Variants in ZNF181 observed in about 807,000 individuals in gnomAD.
ZNF181 encodes zinc finger protein 181 (HHZ181).
Under a neutral mutation model 11.9 loss-of-function variants are expected in ZNF181, and 8 were observed. The observed-to-expected ratio is 0.67, with a 90% CI of 0.39 to 1.21. ZNF181 has a LOEUF of 1.21. Among genes scored for constraint, ZNF181 ranks in the 50% most tolerant of loss-of-function variants. The probability of loss-of-function intolerance (pLI) is 0.01; values close to 1 mark genes in which losing one functional copy is unlikely to be tolerated. For synonymous variants in ZNF181, 202 were observed against 221.1 expected, an observed-to-expected ratio of 0.91 and a Z score of 0.77; for missense variants, 542 against 670.9, an observed-to-expected ratio of 0.81 and a Z score of 2.12.
chr19:34,735,821 C>G (rs1341852178), intron 1 of ZNF181, among the ~76,000 whole-genome samples: 17 of 152,204 alleles, frequency 1.1e-4, no homozygotes, highest in Admixed American at 1.1e-3. Flanking sequence ...CCCCCACATA[C>G]GCACAAACTT....
chr19:34,737,913 A>G (rs1475979397), intron 1 of ZNF181, among the ~76,000 whole-genome samples: 2 of 152,110 alleles, frequency 1.3e-5, no homozygotes, highest in African/African-American at 4.8e-5. Flanking sequence ...GATAAAAGTC[A>G]TTTGCCTGCC....
Position 34,739,239 on chromosome 19 carries a change from T to C in ZNF181, c.101T>C (p.Val34Ala). The C allele has an allele frequency of 6.2e-7, 1 of 1,613,814 alleles. No individual in the cohort carries two copies. Among genetic ancestry groups the C allele is most frequent in the South Asian group, 1.1e-5 (1 of 91,074 alleles). The change falls in exon 2 of 4, where the codon GTC becomes GCC. Residue 34 changes from valine (V) to alanine (A), a missense_variant. Physicochemically the swap from Val to Ala is moderately conservative, Grantham distance 64. Transcript: ENST00000492450. ...AQRDLYKDVM[V>A]QNYENLVSVA... ...AGGGACTTATACAAGGATGTGATGG[T>C]CCAGAATTATGAGAACCTGGTCTCT...
intron 1 of ZNF181, chr19:34,736,318 G>C (rs1394760915): frequency 3.2e-6 from 2 of 626,902 alleles, no homozygotes. Context: ...CTATTCGGGA[G>C]GGTGATGAGT....
rs1395417011 is a variant in ZNF181, at chr19:34,743,814, TAA to T, written c.*1718_*1719del. On this transcript the variant is annotated 3_prime_UTR_variant, in exon 4 of 4. Transcript: ENST00000492450. ...GCAGCAATATATGTCTTGAAATAGT[TAA>T]GAGAGATTTTGTTCTCTGCACTGAA... 2.6e-5 allele frequency: 4 copies of T among 152,242 alleles called. No individual in the cohort carries two copies. The highest frequency in any genetic ancestry group is 5.9e-5 in the Non-Finnish European group (4 of 68,054). The allele number at this position is 152,242 out of a possible 1,614,324, so 9.4% of individuals were successfully genotyped here. A position where few individuals can be genotyped will look rare whatever the true frequency, so the allele number is the denominator to read the frequency against.
At position 34,741,772 on chromosome 19, in the gene ZNF181, G is replaced by A. The variant is rs61739988; in HGVS notation, c.1391G>A (p.Ser464Asn). 51,305 of 1,613,908 alleles carry A rather than the reference G, an allele frequency of 0.032. 1,029 individuals are homozygous for A. Among genetic ancestry groups the A allele is most frequent in the Admixed American group, 0.069 (4,119 of 59,960 alleles). The change falls in exon 4 of 4, where the codon AGT (serine) becomes AAT (asparagine). Residue 464 changes from serine to asparagine, a missense_variant. Physicochemically the swap from Ser to Asn is conservative, Grantham distance 46. Transcript: ENST00000492450. ...ATTAGATTGAAACCCTACGAATGCA[G>A]TATATGTGGGAAAGCCTTTAGTCAT... is the stretch of plus-strand genomic sequence containing the variant. ...NHIRLKPYEC[S>N]ICGKAFSHRS... is the part of the protein sequence containing the mutation.
intron 2 of ZNF181, 127 bp downstream of exon 2, chr19:34,739,395 T>C (rs1799610432): frequency 1.3e-6 from 2 of 1,568,116 alleles, no homozygotes; most frequent in South Asian, 1.2e-5. Flanking sequence ...TGCAGCTCTG[T>C]TGTGCCCTGC....
Position 34,741,183 on chromosome 19 carries a change from C to T in ZNF181, c.802C>T (p.Arg268Cys), listed in dbSNP as rs145243605. 1.2e-4 allele frequency: 188 copies of T among 1,613,966 alleles called. No individual in the cohort carries two copies. The African/African-American group carries it at 2.1e-3, about 18-fold the overall frequency. ...TACAGGAGAGAAGCCCTATGAATGT[C>T]GTGAATGTGGGAAGACTTTTAGCCA... ...IHTGEKPYEC[R>C]ECGKTFSHGS... Residue 268 changes from arginine (R) to cysteine (C), a missense_variant, in exon 4 of 4, where the codon CGT becomes TGT. Coordinates refer to ENST00000492450, the MANE Select transcript of ZNF181 (RefSeq NM_001029997.4).
At chr19:34,737,828 G>A (rs998363905) in intron 1 of ZNF181, among the ~76,000 whole-genome samples, 3 of 152,134 alleles carry the variant, frequency 2.0e-5, no homozygotes, top group South Asian at 2.1e-4. Flanking sequence ...CCTTGCATGC[G>A]CACTTCACAG....
At chr19:34,735,888 C>T (rs903894356) in intron 1 of ZNF181, among the ~76,000 whole-genome samples, 1 of 152,198 alleles carries the variant, frequency 6.6e-6, no homozygotes, top group Non-Finnish European at 1.5e-5. Context: ...AAAAGCTTCC[C>T]TGAATGGCTA....
At chr19:34,740,549 A>G in intron 3 of ZNF181, 62 bp from the exon 4 acceptor site, 1 of 1,452,946 alleles carries the variant, frequency 6.9e-7, no homozygotes, top group South Asian at 1.4e-5. Flanking sequence ...CCAATTTAGA[A>G]GTTTCTTTTC....
Position 34,734,915 on chromosome 19 carries a change from G to T in ZNF181, c.-123G>T, listed in dbSNP as rs1368721415. Reference sequence around the variant, plus strand: ...TCCATTATGGTGTGTCACAGGTGCCGCAAGATAAGCCTGATTTTTCATGAC... The same window carrying T: ...TCCATTATGGTGTGTCACAGGTGCCTCAAGATAAGCCTGATTTTTCATGAC... On this transcript the variant is annotated 5_prime_UTR_variant, in exon 1 of 4. Transcript: ENST00000492450. 2.0e-6 allele frequency: 2 copies of T among 1,016,390 alleles called. No homozygotes were observed. The highest frequency in any genetic ancestry group is 3.2e-5 in the African/African-American group (2 of 61,824). 63.0% of individuals were successfully genotyped at this position (1,016,390 alleles called of 1,614,324 possible).
chr19:34,737,756 C>T (rs1298835327), intron 1 of ZNF181, among the ~76,000 whole-genome samples: 1 of 152,194 alleles, frequency 6.6e-6, no homozygotes, highest in East Asian at 1.9e-4. Flanking sequence ...GGGGGTGAAA[C>T]TGTTTCACCT....
rs577388246 is a variant in ZNF181, at chr19:34,735,822, G to C, written c.9+776G>C. Among the ~76,000 whole-genome samples the C allele has an allele frequency of 9.9e-5, 15 of 152,226 alleles. No individual in the cohort carries two copies. In the South Asian group the frequency reaches 3.1e-3, roughly 32 times the overall value. The stretch of plus-strand genomic sequence containing the variant: ...CGTGGAATATTCTTCCCCCACATAC[G>C]CACAAACTTGCATCCTTATCTTCTT... On this transcript the variant is annotated intron_variant, in intron 1 of 3. Transcript: ENST00000492450.
At position 34,742,215 on chromosome 19, in the gene ZNF181, A is replaced by C; in HGVS notation, c.*118A>C. On this transcript the variant is annotated 3_prime_UTR_variant, in exon 4 of 4. Coordinates refer to ENST00000492450, the MANE Select transcript of ZNF181 (RefSeq NM_001029997.4). The stretch of plus-strand genomic sequence containing the variant: ...TAGGAAGACCTTTTAGCAAAGATGC[A>C]GGCCAGTTTGTTTATTAGACTTTAT... The C allele has an allele frequency of 1.9e-6, 2 of 1,047,890 alleles. No homozygotes were observed. The highest frequency in any genetic ancestry group is 1.8e-5 in the South Asian group (1 of 54,254). The allele number at this position is 1,047,890 out of a possible 1,614,324, so 64.9% of individuals were successfully genotyped here.
At position 34,742,132 on chromosome 19, in the gene ZNF181, C is replaced by A; in HGVS notation, c.*35C>A. 1 of 1,503,180 alleles carries A rather than the reference C, an allele frequency of 6.7e-7. No homozygotes were observed. 93.1% of individuals were successfully genotyped at this position (1,503,180 alleles called of 1,614,324 possible). A position where few individuals can be genotyped will look rare whatever the true frequency, so the allele number is the denominator to read the frequency against. On this transcript the variant is annotated 3_prime_UTR_variant, in exon 4 of 4. Transcript: ENST00000492450. ...TATCATGGTAAATTTCCTAGATTCTCCCTTATTTAACATTAGAAAAATTTA... is the reference window on the plus strand; with the variant it reads ...TATCATGGTAAATTTCCTAGATTCTACCTTATTTAACATTAGAAAAATTTA...
chr19:34,744,809 C>G lies in ZNF181; in HGVS notation c.*2712C>G, dbSNP rs945707496. 2.6e-5 allele frequency: 4 copies of G among 152,166 alleles called. No individual in the cohort carries two copies. Among genetic ancestry groups the G allele is most frequent in the African/African-American group, 9.7e-5 (4 of 41,444 alleles). 9.4% of individuals were successfully genotyped at this position (152,166 alleles called of 1,614,324 possible). On this transcript the variant is annotated 3_prime_UTR_variant, in exon 4 of 4. Coordinates refer to ENST00000492450, the MANE Select transcript of ZNF181 (RefSeq NM_001029997.4). ...GTCCTTTCTCTGCTCTCCCAAGCAA[C>G]TGGTACCACAGAGATGAAGTAGTCC...
intron 1 of ZNF181, chr19:34,736,177 A>G (rs1236036027): frequency 2.8e-6 from 2 of 702,878 alleles, no homozygotes; most frequent in African/African-American, 1.7e-5. Context: ...GAATCATGGC[A>G]TGGAAGGTGA....
Position 34,744,016 on chromosome 19 carries a change from G to C in ZNF181, c.*1919G>C, listed in dbSNP as rs768926959. On this transcript the variant is annotated 3_prime_UTR_variant, in exon 4 of 4. Coordinates refer to ENST00000492450, the MANE Select transcript of ZNF181 (RefSeq NM_001029997.4). ...TATGGACACTGATGCAAGTGAAGGG[G>C]TGTGATATGGATTATGCTTCAGATT... The C allele has an allele frequency of 4.6e-5, 7 of 152,226 alleles. No homozygotes were observed. The highest frequency in any genetic ancestry group is 7.3e-5 in the Non-Finnish European group (5 of 68,040). 9.4% of individuals were successfully genotyped at this position (152,226 alleles called of 1,614,324 possible).
At chr19:34,736,353 G>A in intron 1 of ZNF181, 1 of 604,596 alleles carries the variant, frequency 1.7e-6, no homozygotes, top group Non-Finnish European at 2.9e-6. Context: ...GAACCCTGTG[G>A]TGTGCGGCTG....
Sources: allele counts gnomAD v4.1 joint callset (sites outside exome capture counted in the v4.1 genomes callset), GRCh38; gene constraint gnomAD v4.1.1; transcripts MANE v1.5; gene names NCBI Gene and HGNC (gene_info 2026-07-23, HGNC 2026-07-21).